CHP2: variants seen among roughly 807,000 people sequenced by gnomAD.
CHP2 encodes the protein calcineurin B homologous protein 2.
Under a neutral mutation model 24.7 loss-of-function variants are expected in CHP2, and 31 were observed. The observed-to-expected ratio is 1.26, with a 90% CI of 0.94 to 1.69. The LOEUF is 1.69. Ranked by LOEUF, CHP2 falls within the 40% of genes most tolerant of loss-of-function variation. CHP2 has a pLI of 0.00. For synonymous variants in CHP2, 97 were observed against 99.1 expected (o/e 0.98, Z 0.13); for missense variants, 319 against 261.5 (o/e 1.22, Z -1.52).
rs190036490 is a variant in CHP2, at chr16:23,755,464, C to T, written c.68-197C>T. ...GGTTTTCGGGAGGTTGCGAGCCGCC[C>T]GGGTCTTGAACCTGGATCTTCGCGG... is the stretch of plus-strand genomic sequence containing the variant. On this transcript the variant is annotated intron_variant, in intron 1 of 6. Coordinates refer to ENST00000300113, the MANE Select transcript of CHP2 (RefSeq NM_022097.4). 9 of 612,278 alleles carry T rather than the reference C, an allele frequency of 1.5e-5. No homozygotes were observed. In the East Asian group the frequency reaches 1.9e-4, roughly 13 times the overall value. The allele number at this position is 612,278 out of a possible 1,614,324, so 37.9% of individuals were successfully genotyped here.
At position 23,755,112 on chromosome 16, in the gene CHP2, C is replaced by G. The variant is rs1249056895; in HGVS notation, c.63C>G (p.Thr21=). The G allele has an allele frequency of 2.5e-6, 4 of 1,599,618 alleles. No homozygotes were observed. The African/African-American group carries it at 4.1e-5, about 16-fold the overall frequency. Residue 21 remains threonine (T), a synonymous_variant, in exon 1 of 7, where the codon ACC becomes ACG. Transcript: ENST00000300113. ...IPDGDSIRRE[T]GFSQASLLRL... is the part of the protein sequence containing the mutation. ...ACGGGGACAGTATTCGGCGAGAGACCGGCTGTGAGTGCGCCCGCGTCGGCG... is the reference window on the plus strand; with the variant it reads ...ACGGGGACAGTATTCGGCGAGAGACGGGCTGTGAGTGCGCCCGCGTCGGCG...
chr16:23,755,930 G>A lies in CHP2; in HGVS notation c.221+3G>A, dbSNP rs1411074844. On this transcript the variant is annotated splice_donor_region_variant and intron_variant, in intron 3 of 6. Coordinates refer to ENST00000300113, the MANE Select transcript of CHP2 (RefSeq NM_022097.4). ...ATAGAAAGCTTCTTCCCCGATGGGT[G>A]AGGCTTGCTGGGCGTGGGGAGGTGA... The A allele has an allele frequency of 6.2e-7, 1 of 1,614,050 alleles. No homozygotes were observed. Among genetic ancestry groups the A allele is most frequent in the Non-Finnish European group, 8.5e-7 (1 of 1,180,034 alleles).
At chr16:23,757,438 G>A (rs1961241392) in intron 6 of CHP2, 92 bp from the exon 7 acceptor site, 4 of 1,577,120 alleles carry the variant, frequency 2.5e-6, no homozygotes, top group Non-Finnish European at 3.5e-6. Flanking sequence ...GAATGATGGG[G>A]TCTCTGGAAT....
chr16:23,755,342 G>T, intron 1 of CHP2: 1 of 592,770 alleles, frequency 1.7e-6, no homozygotes, highest in Non-Finnish European at 3.0e-6. Flanking sequence ...TCACGGGGTC[G>T]GAGTCCAGAG....
Position 23,757,664 on chromosome 16 carries a change from A to C in CHP2, c.*81A>C, listed in dbSNP as rs1259199010. 1.7e-6 allele frequency: 2 copies of C among 1,197,092 alleles called. No individual in the cohort carries two copies. Among genetic ancestry groups the C allele is most frequent in the Non-Finnish European group, 2.5e-6 (2 of 799,356 alleles). 74.2% of individuals were successfully genotyped at this position (1,197,092 alleles called of 1,614,324 possible). On this transcript the variant is annotated 3_prime_UTR_variant, in exon 7 of 7. Coordinates refer to ENST00000300113, the MANE Select transcript of CHP2 (RefSeq NM_022097.4). The stretch of plus-strand genomic sequence containing the variant: ...AAAGCCCCCATGGACGCATGGACGC[A>C]GGGCGACAATAAACTGTATTTTCGT...
chr16:23,755,542 A>T (rs770948530), intron 1 of CHP2, 119 bp from the exon 2 acceptor site: 52 of 838,426 alleles, frequency 6.2e-5, no homozygotes, highest in Non-Finnish European at 9.7e-5. Context: ...ATTCCCCGGG[A>T]TGATCGCCCC....
In CHP2 at chr16:23,757,308, C is replaced by T. The variant is rs778517407; in HGVS notation, c.522C>T (p.Phe174=). The T allele has an allele frequency of 1.3e-5, 21 of 1,611,380 alleles. No individual in the cohort carries two copies. The highest frequency in any genetic ancestry group is 4.5e-5 in the East Asian group (2 of 44,836). The stretch of plus-strand genomic sequence containing the variant: ...AAGATGGGGATGGGGCTGTGTCCTT[C>T]GTGGAGTTCACCAAGGTCAGAGTGC... ...ADEDGDGAVS[F]VEFTKSLEKM... Residue 174 remains phenylalanine (F), a synonymous_variant, in exon 6 of 7, where the codon TTC becomes TTT. Coordinates refer to ENST00000300113, the MANE Select transcript of CHP2 (RefSeq NM_022097.4).
At chr16:23,755,547 C>T (rs961571218) in intron 1 of CHP2, 114 bp from the exon 2 acceptor site, 6 of 878,392 alleles carry the variant, frequency 6.8e-6, no homozygotes, top group South Asian at 2.8e-5. Context: ...CCGGGATGAT[C>T]GCCCCTTCCA....
In CHP2 at chr16:23,756,171, CA is replaced by C. The variant is rs954020105; in HGVS notation, c.331del (p.Ser111AlafsTer32). Reference sequence around the variant, plus strand: ...ACCCCAAGAAACCTGAACCTCTCAACAGCAGAAGGAACAAACTTCACTGTGA... The same window carrying C: ...ACCCCAAGAAACCTGAACCTCTCAACGCAGAAGGAACAAACTTCACTGTGA... ...QDPKKPEPLNSRRNKLHYAFQ... is the reference protein window; with the variant it reads ...QDPKKPEPLNXRRNKLHYAFQ... On this transcript the variant is annotated frameshift_variant, in exon 4 of 7. Coordinates refer to ENST00000300113, the MANE Select transcript of CHP2 (RefSeq NM_022097.4). LOFTEE classifies it high-confidence loss of function. 1 of 1,613,966 alleles carries C rather than the reference CA, an allele frequency of 6.2e-7. No individual in the cohort carries two copies. The highest frequency in any genetic ancestry group is 8.5e-7 in the Non-Finnish European group (1 of 1,180,022).
chr16:23,755,231 T>A (rs879295734), intron 1 of CHP2, 115 bp downstream of exon 1: 18 of 734,626 alleles, frequency 2.5e-5, no homozygotes, highest in Non-Finnish European at 3.9e-5. Flanking sequence ...GGTCCGGGGC[T>A]CCCCGGAGCT....
intron 4 of CHP2, 29 bp from the exon 5 acceptor site, chr16:23,756,359 T>A: frequency 6.2e-7 from 1 of 1,606,526 alleles, no homozygotes. Flanking sequence ...AAGACCTACC[T>A]TCCTTTCCCC....
In CHP2 at chr16:23,757,485, G is replaced by A. The variant is rs757679815; in HGVS notation, c.538-45G>A. On this transcript the variant is annotated intron_variant, in intron 6 of 6. Transcript: ENST00000300113. The stretch of plus-strand genomic sequence containing the variant: ...TGGGGGAGGAGGTTGGGAGCATGGA[G>A]AGCTGAGAGTCAAGCCTCTTGCCTG... 1.9e-6 allele frequency: 3 copies of A among 1,601,856 alleles called. No individual in the cohort carries two copies. The South Asian group carries it at 3.3e-5, about 18-fold the overall frequency.
At chr16:23,757,393 C>T in intron 6 of CHP2, 70 bp downstream of exon 6, 2 of 1,590,858 alleles carry the variant, frequency 1.3e-6, no homozygotes, top group Admixed American at 1.7e-5. Flanking sequence ...GGGAAACGTT[C>T]AACGGAGGAG....
In CHP2 at chr16:23,756,419, T is replaced by C. The variant is rs369211227; in HGVS notation, c.384T>C (p.Asp128=). ...TTCAGCTCTATGACCTGGATCGCGA[T>C]GGGAAGATCTCCAGGCATGAGATGC... is the stretch of plus-strand genomic sequence containing the variant. The part of the protein sequence containing the change: ...YAFQLYDLDR[D]GKISRHEMLQ... The change falls in exon 5 of 7, where the codon GAT becomes GAC. Residue 128 remains aspartate, a synonymous_variant. Coordinates refer to ENST00000300113, the MANE Select transcript of CHP2 (RefSeq NM_022097.4). 3 of 1,613,708 alleles carry C rather than the reference T, an allele frequency of 1.9e-6. No homozygotes were observed. Among genetic ancestry groups the C allele is most frequent in the African/African-American group, 1.3e-5 (1 of 74,950 alleles).
chr16:23,756,285 T>C, intron 4 of CHP2, 92 bp downstream of exon 4: 6 of 1,587,450 alleles, frequency 3.8e-6, no homozygotes, highest in Non-Finnish European at 5.2e-6. Context: ...CCTGAGGGCA[T>C]TGACAACCTC....
At chr16:23,756,535 TG>T in intron 5 of CHP2, 86 bp downstream of exon 5, 1 of 1,129,408 alleles carries the variant, frequency 8.9e-7, no homozygotes, top group Non-Finnish European at 1.3e-6. Flanking sequence ...GTGGGATGAT[TG>T]GGGAACTGGG....
At position 23,756,439 on chromosome 16, in the gene CHP2, A is replaced by G. The variant is rs762131048; in HGVS notation, c.404A>G (p.Glu135Gly). Residue 135 changes from glutamate to glycine, a missense_variant, in exon 5 of 7, where the codon GAG (glutamate) becomes GGG (glycine). Transcript: ENST00000300113. The stretch of plus-strand genomic sequence containing the variant: ...CGCGATGGGAAGATCTCCAGGCATG[A>G]GATGCTGCAGGTTGGCAGAAAGCGA... The part of the protein sequence containing the change: ...LDRDGKISRH[E>G]MLQVLRLMVG... The G allele has an allele frequency of 6.2e-7, 1 of 1,613,586 alleles. No individual in the cohort carries two copies. The highest frequency in any genetic ancestry group is 2.2e-5 in the East Asian group (1 of 44,884).
At position 23,757,559 on chromosome 16, in the gene CHP2, A is replaced by G. The variant is rs1483395058; in HGVS notation, c.567A>G (p.Lys189=). 1 of 1,613,944 alleles carries G rather than the reference A, an allele frequency of 6.2e-7. No homozygotes were observed. Among genetic ancestry groups the G allele is most frequent in the African/African-American group, 1.3e-5 (1 of 74,874 alleles). Residue 189 remains lysine, a synonymous_variant, in exon 7 of 7, where the codon AAA becomes AAG. Coordinates refer to ENST00000300113, the MANE Select transcript of CHP2 (RefSeq NM_022097.4). ...KSLEKMDVEQ[K]MSIRILK ...TAGAGAAGATGGACGTTGAGCAAAA[A>G]ATGAGCATCCGGATCCTGAAGTGAC...
rs145686424 is a variant in CHP2, at chr16:23,756,527, G to A, written c.414+78G>A. The stretch of plus-strand genomic sequence containing the variant: ...AATGCAATGGTGTGAGAGATGGGGT[G>A]GGATGATTGGGGAACTGGGGCGCAG... On this transcript the variant is annotated intron_variant, in intron 5 of 6. Coordinates refer to ENST00000300113, the MANE Select transcript of CHP2 (RefSeq NM_022097.4). The A allele has an allele frequency of 1.8e-4, 223 of 1,230,130 alleles. 1 individual carries two copies. The East Asian group carries it at 5.3e-3, about 29-fold the overall frequency. 76.2% of individuals were successfully genotyped at this position (1,230,130 alleles called of 1,614,324 possible). A position where few individuals can be genotyped will look rare whatever the true frequency, so the allele number is the denominator to read the frequency against.
Sources: allele counts gnomAD v4.1 joint callset, GRCh38; gene constraint gnomAD v4.1.1; transcripts MANE v1.5; gene names NCBI Gene and HGNC (gene_info 2026-07-23, HGNC 2026-07-21).